The following ADAMTSL3 variants were observed in gnomAD, a reference collection of about 807,000 sequenced individuals.
The protein encoded by ADAMTSL3 is ADAMTS-like protein 3.
ADAMTSL3 carries 128 observed loss-of-function variants against 201.7 expected under a neutral mutation model. The ratio of observed to expected loss-of-function variants is 0.63; its 90% CI spans 0.55 to 0.73. The LOEUF (loss-of-function observed/expected upper bound fraction) is 0.73. Among genes scored for constraint, ADAMTSL3 ranks in the 30% least tolerant of loss-of-function variants. The pLI, the probability that ADAMTSL3 is intolerant of heterozygous loss-of-function variation, is 0.00. For synonymous variants in ADAMTSL3, 738 were observed against 748.4 expected, an observed-to-expected ratio of 0.99 and a Z score of 0.23; for missense variants, 1,990 against 2,119.6, an observed-to-expected ratio of 0.94 and a Z score of 1.20.
At chr15:83,762,056 A>ATTTTTTTTT (rs11448050) in intron 3 of ADAMTSL3, among the ~76,000 whole-genome samples, 1 of 145,234 alleles carries the variant, frequency 6.9e-6, no homozygotes, top group East Asian at 2.0e-4. Flanking sequence ...CCAGAATATG[A>ATTTTTTTTT]TTTTTTTTTT....
intron 23 of ADAMTSL3, among the ~76,000 whole-genome samples, chr15:84,011,881 T>C (rs2068012609): frequency 6.6e-6 from 1 of 152,208 alleles, no homozygotes; most frequent in South Asian, 2.1e-4. Context: ...GGAATAAATA[T>C]ATTAAGAGAT....
At chr15:83,932,565 G>A (rs984774033) in intron 17 of ADAMTSL3, among the ~76,000 whole-genome samples, 4 of 152,180 alleles carry the variant, frequency 2.6e-5, no homozygotes, top group Non-Finnish European at 5.9e-5. Context: ...AGATTGCAAG[G>A]AGAACTATCT....
At chr15:83,822,551 C>T (rs1449751561) in intron 6 of ADAMTSL3, among the ~76,000 whole-genome samples, 3 of 147,664 alleles carry the variant, frequency 2.0e-5, no homozygotes, top group Non-Finnish European at 4.5e-5. Context: ...CCTCACATCC[C>T]AGACGGGGCG....
chr15:83,672,818 G>A (rs1442225519), intron 2 of ADAMTSL3, among the ~76,000 whole-genome samples: 1 of 152,212 alleles, frequency 6.6e-6, no homozygotes, highest in Non-Finnish European at 1.5e-5. Context: ...CCAGAGCCCA[G>A]TCAGGCCTTT....
At chr15:83,972,165 C>G (rs1260671904) in intron 20 of ADAMTSL3, among the ~76,000 whole-genome samples, 1 of 152,082 alleles carries the variant, frequency 6.6e-6, no homozygotes, top group Non-Finnish European at 1.5e-5. Context: ...TGAGACTTGC[C>G]TAAGGCTCCC....
intron 5 of ADAMTSL3, among the ~76,000 whole-genome samples, chr15:83,811,141 T>C (rs1336364937): frequency 5.9e-5 from 9 of 152,222 alleles, no homozygotes; most frequent in African/African-American, 2.2e-4. Flanking sequence ...TCTCTAACTT[T>C]AGTTATATGT....
intron 17 of ADAMTSL3, among the ~76,000 whole-genome samples, chr15:83,930,259 A>G (rs1346996128): frequency 6.6e-6 from 1 of 152,076 alleles, no homozygotes; most frequent in East Asian, 1.9e-4. Flanking sequence ...TTCAGGTTGC[A>G]TTTTTCACTC....
At chr15:83,986,652 G>T (rs1449110167) in intron 21 of ADAMTSL3, among the ~76,000 whole-genome samples, 1 of 151,982 alleles carries the variant, frequency 6.6e-6, no homozygotes, top group Non-Finnish European at 1.5e-5. Flanking sequence ...TATACTTTCT[G>T]AATCTTACAA....
At chr15:83,733,685 G>T (rs2062320955) in intron 3 of ADAMTSL3, among the ~76,000 whole-genome samples, 1 of 152,126 alleles carries the variant, frequency 6.6e-6, no homozygotes, top group South Asian at 2.1e-4. Flanking sequence ...CTCATTGTCT[G>T]AAGAAAATGG....
chr15:83,918,386 C>A (rs2066075963), intron 16 of ADAMTSL3, among the ~76,000 whole-genome samples: 1 of 152,166 alleles, frequency 6.6e-6, no homozygotes, highest in Non-Finnish European at 1.5e-5. Context: ...ATCATACTCA[C>A]ACATATATAG....
Position 84,025,137 on chromosome 15 carries a change from G to A in ADAMTSL3, c.4458-101G>A, listed in dbSNP as rs1038472947. ...CCCATAGAGACATGTGACAGCCTAA[G>A]ATAGCCATGGTGTTGGGATCAGCTT... On this transcript the variant is annotated intron_variant, in intron 26 of 29. Coordinates refer to ENST00000286744, the MANE Select transcript of ADAMTSL3 (RefSeq NM_207517.3). The A allele has an allele frequency of 6.1e-6, 6 of 980,422 alleles. No homozygotes were observed. In the African/African-American group the frequency reaches 9.8e-5, roughly 16 times the overall value. 60.7% of individuals were successfully genotyped at this position (980,422 alleles called of 1,614,324 possible).
chr15:83,764,342 G>A (rs909167113), intron 3 of ADAMTSL3, among the ~76,000 whole-genome samples: 1 of 152,124 alleles, frequency 6.6e-6, no homozygotes, highest in Non-Finnish European at 1.5e-5. Flanking sequence ...AAATTACTGT[G>A]CTGGAAAGCT....
intron 17 of ADAMTSL3, among the ~76,000 whole-genome samples, chr15:83,925,994 T>C (rs1177125865): frequency 6.6e-6 from 1 of 152,240 alleles, no homozygotes; most frequent in Non-Finnish European, 1.5e-5. Context: ...TATATCATTT[T>C]GTAAACTGTT....
At chr15:83,980,842 C>T (rs1019669982) in intron 20 of ADAMTSL3, among the ~76,000 whole-genome samples, 2 of 152,190 alleles carry the variant, frequency 1.3e-5, no homozygotes, top group African/African-American at 4.8e-5. Flanking sequence ...GCTCATGAGG[C>T]GTGCAAGAGG....
At chr15:83,732,675 A>C (rs1262397224) in intron 3 of ADAMTSL3, among the ~76,000 whole-genome samples, 8 of 152,132 alleles carry the variant, frequency 5.3e-5, no homozygotes, top group Non-Finnish European at 8.8e-5. Context: ...CATTCCATAA[A>C]ACCATTATTT....
chr15:83,950,070 A>G (rs1025260677), intron 19 of ADAMTSL3, among the ~76,000 whole-genome samples: 7 of 152,074 alleles, frequency 4.6e-5, no homozygotes, highest in Admixed American at 1.3e-4. Flanking sequence ...ATTAATCAAG[A>G]AATATTTGCC....
intron 3 of ADAMTSL3, among the ~76,000 whole-genome samples, chr15:83,724,004 C>T (rs1433102217): frequency 2.0e-5 from 3 of 151,760 alleles, no homozygotes; most frequent in Admixed American, 6.6e-5. Context: ...ATCCAAGGCT[C>T]AATACTTGTT....
At chr15:83,795,438 C>T (rs929943704) in intron 4 of ADAMTSL3, among the ~76,000 whole-genome samples, 3 of 152,118 alleles carry the variant, frequency 2.0e-5, no homozygotes, top group Non-Finnish European at 2.9e-5. Flanking sequence ...AAAACTCAGG[C>T]TGTTGAGTTT....
intron 26 of ADAMTSL3, among the ~76,000 whole-genome samples, 186 bp from the exon 27 acceptor site, chr15:84,025,052 T>C (rs2068276944): frequency 6.6e-6 from 1 of 152,186 alleles, no homozygotes; most frequent in Non-Finnish European, 1.5e-5. Context: ...TGACACTGTT[T>C]CTCCCGAGTT....
Sources: gnomAD v4.1 joint callset for allele counts (sites outside exome capture counted in the v4.1 genomes callset) on GRCh38, gnomAD v4.1.1 for gene constraint, MANE v1.5 for transcripts, NCBI Gene and HGNC (gene_info 2026-07-23, HGNC 2026-07-21) for gene names.